Variants in PSTPIP2 observed in about 807,000 individuals in gnomAD.
The protein encoded by PSTPIP2 is proline-serine-threonine phosphatase interacting protein 2.
PSTPIP2 carries 33 observed loss-of-function variants against 63.3 expected under a neutral mutation model. That is an observed-to-expected ratio of 0.52 (90% confidence interval 0.40 to 0.70). PSTPIP2 has a LOEUF of 0.70. Among genes scored for constraint, PSTPIP2 ranks in the 30% least tolerant of loss-of-function variants. PSTPIP2 has a pLI of 0.00. For synonymous variants in PSTPIP2, 125 were observed against 132.7 expected (o/e 0.94, Z 0.40); for missense variants, 312 against 400.7 (o/e 0.78, Z 1.89).
intron 1 of PSTPIP2, among the ~76,000 whole-genome samples, chr18:46,043,234 A>C (rs1908257672): frequency 6.7e-6 from 1 of 149,596 alleles, no homozygotes; most frequent in African/African-American, 2.5e-5. Context: ...TAAAAAAAAA[A>C]AAAAAAAAAA....
intron 5 of PSTPIP2, among the ~76,000 whole-genome samples, chr18:46,008,952 T>C (rs559256943): frequency 1.2e-4 from 19 of 152,242 alleles, no homozygotes; most frequent in African/African-American, 4.1e-4. Context: ...AATGTCCTTC[T>C]TTTGGGAGGC....
chr18:46,057,489 G>A (rs1908804228), intron 1 of PSTPIP2, among the ~76,000 whole-genome samples: 1 of 151,586 alleles, frequency 6.6e-6, no homozygotes, highest in Non-Finnish European at 1.5e-5. Context: ...CACCACGCCT[G>A]TCTAATTGTT....
At chr18:46,028,374 A>G (rs541215675) in intron 2 of PSTPIP2, 1 of 497,170 alleles carries the variant, frequency 2.0e-6, no homozygotes, top group African/African-American at 2.0e-5. Flanking sequence ...CATCCCAGCG[A>G]AAACCGCCGG....
intron 5 of PSTPIP2, among the ~76,000 whole-genome samples, chr18:46,008,926 C>A (rs1860138151): frequency 6.6e-6 from 1 of 152,158 alleles, no homozygotes; most frequent in Non-Finnish European, 1.5e-5. Flanking sequence ...CCTTTCACCC[C>A]ACTGGTTTTA....
At chr18:46,000,180 G>A (rs772704663) in intron 6 of PSTPIP2, among the ~76,000 whole-genome samples, 3 of 151,986 alleles carry the variant, frequency 2.0e-5, no homozygotes, top group Non-Finnish European at 4.4e-5. Context: ...AAATAGTTAC[G>A]TAACTCTAAA....
intron 2 of PSTPIP2, among the ~76,000 whole-genome samples, chr18:46,030,970 A>T (rs1224242938): frequency 6.6e-6 from 1 of 152,238 alleles, no homozygotes; most frequent in Non-Finnish European, 1.5e-5. Flanking sequence ...TCAATAACTT[A>T]GCCAGGATGT....
chr18:46,000,282 C>T (rs975176593), intron 6 of PSTPIP2, among the ~76,000 whole-genome samples: 4 of 152,174 alleles, frequency 2.6e-5, no homozygotes, highest in Non-Finnish European at 4.4e-5. Flanking sequence ...CTAATTCTAA[C>T]GAGGCCTCAA....
intron 1 of PSTPIP2, among the ~76,000 whole-genome samples, chr18:46,045,404 C>T (rs183244029): frequency 3.9e-5 from 6 of 152,012 alleles, no homozygotes; most frequent in East Asian, 1.9e-4. Flanking sequence ...AGTAAACTAT[C>T]GTAAGAACAA....
At chr18:45,999,632 G>GTCTGATTAGTGC (rs1433460224) in intron 6 of PSTPIP2, 98 bp from the exon 7 acceptor site, 104 of 1,160,430 alleles carry the variant, frequency 9.0e-5, no homozygotes, top group Admixed American at 3.3e-4. Flanking sequence ...GGACAGGGCC[G>GTCTGATTAGTGC]TCTGATTAGT....
chr18:46,006,410 T>G (rs1451132320), intron 5 of PSTPIP2, among the ~76,000 whole-genome samples: 2 of 125,442 alleles, frequency 1.6e-5, no homozygotes, highest in East Asian at 5.3e-4. Context: ...TTGCTCTTAA[T>G]GCCCAGGCTA....
Position 45,999,521 on chromosome 18 carries a change from T to G in PSTPIP2, c.431A>C (p.Tyr144Ser), listed in dbSNP as rs755912026. ...ATCTTTGTCCCGGCATTTCTGCTCA[T>G]AGTTCTTCTTTGCCTTTGTCATTAT... ...FKKTMDAKKN[Y>S]EQKCRDKDEA... Residue 144 changes from tyrosine to serine, a missense_variant, in exon 7 of 15, where the codon TAT becomes TCT. Physicochemically the swap from Tyr to Ser is moderately radical, Grantham distance 144. Transcript: ENST00000409746. 6.2e-7 allele frequency: 1 copy of G among 1,614,224 alleles called. No individual in the cohort carries two copies. The highest frequency in any genetic ancestry group is 1.1e-5 in the South Asian group (1 of 91,086).
At chr18:45,992,330 G>GCCAA in intron 10 of PSTPIP2, 128 bp from the exon 11 acceptor site, 3 of 746,262 alleles carry the variant, frequency 4.0e-6, no homozygotes, top group Non-Finnish European at 6.8e-6. Context: ...TGGGAGGTTG[G>GCCAA]GGTGGGCGGA....
At chr18:46,057,788 G>C (rs1423264979) in intron 1 of PSTPIP2, among the ~76,000 whole-genome samples, 1 of 151,980 alleles carries the variant, frequency 6.6e-6, no homozygotes, top group African/African-American at 2.4e-5. Context: ...GTGAGGTCAG[G>C]AGATCAAGAC....
chr18:45,998,143 C>A (rs564759022), intron 8 of PSTPIP2, among the ~76,000 whole-genome samples: 12 of 152,168 alleles, frequency 7.9e-5, no homozygotes, highest in African/African-American at 2.7e-4. Context: ...CTCAGTATTT[C>A]CCATCGCTTT....
At chr18:46,004,862 T>C (rs1403374149) in intron 6 of PSTPIP2, among the ~76,000 whole-genome samples, 1 of 152,212 alleles carries the variant, frequency 6.6e-6, no homozygotes, top group East Asian at 1.9e-4. Flanking sequence ...TTACTGGGTA[T>C]ACACCCAGAG....
chr18:46,014,938 T>G (rs559687597), intron 4 of PSTPIP2, among the ~76,000 whole-genome samples: 1 of 152,162 alleles, frequency 6.6e-6, no homozygotes, highest in East Asian at 1.9e-4. Flanking sequence ...GATGAGGATG[T>G]TTTTCTAGGC....
chr18:46,047,065 G>A (rs2082354178), intron 1 of PSTPIP2, among the ~76,000 whole-genome samples: 1 of 152,198 alleles, frequency 6.6e-6, no homozygotes, highest in African/African-American at 2.4e-5. Flanking sequence ...CAACCACTAT[G>A]AAAAATTTTA....
intron 2 of PSTPIP2, among the ~76,000 whole-genome samples, chr18:46,036,843 G>C (rs1448844307): frequency 6.6e-6 from 1 of 152,144 alleles, no homozygotes; most frequent in African/African-American, 2.4e-5. Flanking sequence ...TTTCTGGGCA[G>C]GTTAAACTGA....
chr18:46,040,738 G>T (rs563060350), intron 1 of PSTPIP2, among the ~76,000 whole-genome samples: 1 of 152,340 alleles, frequency 6.6e-6, no homozygotes, highest in South Asian at 2.1e-4. Context: ...AACAATGGAA[G>T]AAGTAAGAAC....
Sources: allele counts gnomAD v4.1 joint callset (sites outside exome capture counted in the v4.1 genomes callset), GRCh38; gene constraint gnomAD v4.1.1; transcripts MANE v1.5; gene names NCBI Gene and HGNC (gene_info 2026-07-23, HGNC 2026-07-21).